The following TIAM1 variants were observed in gnomAD, a reference collection of about 807,000 sequenced individuals.
TIAM1 encodes rho guanine nucleotide exchange factor TIAM1.
Under a neutral mutation model 163.5 loss-of-function variants are expected in TIAM1, and 65 were observed. The observed-to-expected ratio is 0.40, with a 90% CI of 0.33 to 0.49. The LOEUF (loss-of-function observed/expected upper bound fraction) is 0.49, where lower values mean the gene tolerates loss of function less well. Ranked by LOEUF, TIAM1 falls within the 20% of genes least tolerant of loss-of-function variation. The pLI is 0.77. For missense variants in TIAM1, 1,789 were observed against 2,044.7 expected (o/e 0.87, Z 2.41); for synonymous variants, 833 against 810.1 (o/e 1.03, Z -0.48).
intron 23 of TIAM1, among the ~76,000 whole-genome samples, chr21:31,135,235 C>G (rs1377319945): frequency 2.6e-5 from 4 of 152,220 alleles, no homozygotes; most frequent in African/African-American, 9.6e-5. Flanking sequence ...ATTGCAACAA[C>G]AAGCTATGTT....
chr21:31,313,456 A>G (rs1156392651), intron 2 of TIAM1, among the ~76,000 whole-genome samples: 2 of 152,194 alleles, frequency 1.3e-5, no homozygotes, highest in African/African-American at 4.8e-5. Context: ...ACCATTTGCA[A>G]CATTTGTAGG....
chr21:31,509,536 G>A (rs2147467848), intron 1 of TIAM1, among the ~76,000 whole-genome samples: 1 of 152,254 alleles, frequency 6.6e-6, no homozygotes, highest in Non-Finnish European at 1.5e-5. Flanking sequence ...CCACACCCAG[G>A]CAGGAAGTAA....
chr21:31,389,001 C>T (rs2076925268), intron 2 of TIAM1, among the ~76,000 whole-genome samples: 1 of 152,190 alleles, frequency 6.6e-6, no homozygotes, highest in Admixed American at 6.5e-5. Context: ...ATATTTCAGG[C>T]CTTCCTGGCC....
intron 26 of TIAM1, 89 bp from the exon 27 acceptor site, chr21:31,124,783 C>T (rs1235011952): frequency 8.7e-7 from 1 of 1,149,296 alleles, no homozygotes; most frequent in Non-Finnish European, 1.2e-6. Context: ...AAATAAATAT[C>T]CCTTAGGGCC....
rs1208255416 is a variant in TIAM1, at chr21:31,210,066, G to A, written c.2367C>T (p.Asp789=). The change falls in exon 11 of 28, where the codon GAC becomes GAT. Residue 789 remains aspartate (D), a synonymous_variant. Transcript: ENST00000541036. ...ATACCTTGCAAATCAGCTCCAGGGTGTCCCGTGCAGTGTCGCCTGGCCGGA... is the reference window on the plus strand; with the variant it reads ...ATACCTTGCAAATCAGCTCCAGGGTATCCCGTGCAGTGTCGCCTGGCCGGA... ...TVVRPGDTAR[D]TLELICKTHQ... 6.2e-7 allele frequency: 1 copy of A among 1,614,036 alleles called. No homozygotes were observed. Among genetic ancestry groups the A allele is most frequent in the Non-Finnish European group, 8.5e-7 (1 of 1,179,982 alleles).
chr21:31,154,452 G>T (rs772765056), intron 16 of TIAM1, 26 bp from the exon 17 acceptor site: 2 of 1,604,420 alleles, frequency 1.2e-6, no homozygotes, highest in Non-Finnish European at 1.7e-6. Flanking sequence ...GGGAAGGGAA[G>T]GCAGAGGTCA....
chr21:31,435,162 G>A (rs903202170), intron 2 of TIAM1, among the ~76,000 whole-genome samples: 31 of 152,104 alleles, frequency 2.0e-4, no homozygotes, highest in Non-Finnish European at 1.5e-5. Flanking sequence ...GTTTGTAAAA[G>A]AACACTGGAA....
intron 1 of TIAM1, among the ~76,000 whole-genome samples, chr21:31,486,662 C>T (rs1036989643): frequency 2.0e-5 from 3 of 152,364 alleles, no homozygotes; most frequent in East Asian, 3.9e-4. Context: ...TTCCTGCATC[C>T]GTCCTCTCCA....
intron 2 of TIAM1, among the ~76,000 whole-genome samples, chr21:31,388,806 G>A (rs943544807): frequency 1.3e-5 from 2 of 152,192 alleles, no homozygotes; most frequent in East Asian, 3.8e-4. Flanking sequence ...TATGAGAATT[G>A]AAGAAATTAA....
At chr21:31,295,366 A>G (rs562301879) in intron 2 of TIAM1, among the ~76,000 whole-genome samples, 1 of 147,364 alleles carries the variant, frequency 6.8e-6, no homozygotes, top group South Asian at 2.2e-4. Context: ...ACTACTCAGG[A>G]GGCTGAGGCA....
chr21:31,261,277 T>TC (rs1555909326), intron 4 of TIAM1, among the ~76,000 whole-genome samples: 6,171 of 150,936 alleles, frequency 0.041, 420 homozygotes, highest in African/African-American at 0.14. Context: ...TTTTTTTTTT[T>TC]GTATCTGTAC....
intron 6 of TIAM1, among the ~76,000 whole-genome samples, chr21:31,229,789 A>G (rs1414237148): frequency 6.6e-6 from 1 of 152,046 alleles, no homozygotes; most frequent in Non-Finnish European, 1.5e-5. Context: ...AGCAGTTGGA[A>G]TTACAGGCAC....
At chr21:31,144,463 G>A (rs532516210) in intron 20 of TIAM1, among the ~76,000 whole-genome samples, 5 of 152,352 alleles carry the variant, frequency 3.3e-5, no homozygotes, top group Middle Eastern at 3.4e-3. Flanking sequence ...CTGTGAGTCC[G>A]CGATGAACAT....
At chr21:31,229,268 C>T (rs1275461221) in intron 6 of TIAM1, among the ~76,000 whole-genome samples, 1 of 152,016 alleles carries the variant, frequency 6.6e-6, no homozygotes, top group African/African-American at 2.4e-5. Flanking sequence ...GTGCTGGGTG[C>T]TGGTGTATGA....
intron 6 of TIAM1, among the ~76,000 whole-genome samples, chr21:31,237,535 A>G (rs2070957037): frequency 6.6e-6 from 1 of 152,220 alleles, no homozygotes; most frequent in East Asian, 1.9e-4. Context: ...TATCTATCAG[A>G]CACTTACCAT....
chr21:31,540,579 A>C (rs2048290785), intron 1 of TIAM1, among the ~76,000 whole-genome samples: 1 of 152,214 alleles, frequency 6.6e-6, no homozygotes, highest in African/African-American at 2.4e-5. Flanking sequence ...ATCTCTGCAG[A>C]TGAGGCTCTC....
intron 2 of TIAM1, among the ~76,000 whole-genome samples, chr21:31,298,825 A>G (rs1569183747): frequency 6.6e-6 from 1 of 151,104 alleles, no homozygotes; most frequent in Non-Finnish European, 1.5e-5. Flanking sequence ...AGAGAGAGAG[A>G]AAAACAGATG....
chr21:31,511,567 G>A (rs973132450), intron 1 of TIAM1, among the ~76,000 whole-genome samples: 9 of 152,230 alleles, frequency 5.9e-5, no homozygotes, highest in Non-Finnish European at 7.4e-5. Context: ...CAATACTTAC[G>A]CAGCAATCAA....
intron 2 of TIAM1, among the ~76,000 whole-genome samples, chr21:31,312,103 TC>T (rs1387953529): frequency 1.3e-5 from 2 of 152,248 alleles, no homozygotes; most frequent in African/African-American, 4.8e-5. Flanking sequence ...ACTGTTGGCT[TC>T]CCTGCTTTTG....
Sources: allele counts gnomAD v4.1 joint callset (sites outside exome capture counted in the v4.1 genomes callset), GRCh38; gene constraint gnomAD v4.1.1; transcripts MANE v1.5; gene names NCBI Gene and HGNC (gene_info 2026-07-23, HGNC 2026-07-21).